Variants in CACNA2D3 observed in about 807,000 individuals in gnomAD.
CACNA2D3 encodes calcium voltage-gated channel auxiliary subunit alpha2delta 3.
A neutral mutation model predicts 160.6 loss-of-function variants in CACNA2D3; 60 were observed. The ratio of observed to expected loss-of-function variants is 0.37; its 90% CI spans 0.30 to 0.46. The LOEUF (loss-of-function observed/expected upper bound fraction) is 0.46. Among genes scored for constraint, CACNA2D3 ranks in the 20% least tolerant of loss-of-function variants. CACNA2D3 has a pLI of 1.00. For missense variants in CACNA2D3, 1,205 were observed against 1,365.0 expected (o/e 0.88, Z 1.85); for synonymous variants, 558 against 492.9 (o/e 1.13, Z -1.75).
intron 13 of CACNA2D3, among the ~76,000 whole-genome samples, chr3:54,768,694 G>A (rs1434013305): frequency 5.3e-5 from 8 of 152,090 alleles, no homozygotes; most frequent in African/African-American, 1.9e-4. Context: ...AACATTTCAC[G>A]TGGCCCATTA....
At chr3:54,619,959 C>T (rs1184907077) in intron 9 of CACNA2D3, among the ~76,000 whole-genome samples, 1 of 152,098 alleles carries the variant, frequency 6.6e-6, no homozygotes, top group Non-Finnish European at 1.5e-5. Context: ...GGAATTAGAT[C>T]AAGAGGAAGT....
chr3:54,558,760 T>G (rs1034988003), intron 5 of CACNA2D3, among the ~76,000 whole-genome samples: 1 of 152,240 alleles, frequency 6.6e-6, no homozygotes, highest in African/African-American at 2.4e-5. Flanking sequence ...CATTATTTTT[T>G]ATGGCCGTGT....
intron 9 of CACNA2D3, among the ~76,000 whole-genome samples, chr3:54,591,910 T>A (rs1702867700): frequency 6.6e-6 from 1 of 152,180 alleles, no homozygotes; most frequent in Non-Finnish European, 1.5e-5. Flanking sequence ...GGTGTATCAT[T>A]CTTTAATCAA....
intron 11 of CACNA2D3, among the ~76,000 whole-genome samples, chr3:54,731,281 A>G (rs929300584): frequency 6.6e-6 from 1 of 152,166 alleles, no homozygotes; most frequent in African/African-American, 2.4e-5. Context: ...TGAAATGGAC[A>G]CTTAGGATCT....
At position 54,879,106 on chromosome 3, in the gene CACNA2D3, C is replaced by A; in HGVS notation, c.1782+17C>A. On this transcript the variant is annotated intron_variant, in intron 19 of 37. Coordinates refer to ENST00000474759, the MANE Select transcript of CACNA2D3 (RefSeq NM_018398.3). ...GACAAAGGGGTACATTTTTCTCAAA[C>A]ATTTTTGCTGCTTAATTTAAAACAA... The A allele has an allele frequency of 1.3e-6, 2 of 1,522,404 alleles. No individual in the cohort carries two copies. The highest frequency in any genetic ancestry group is 1.8e-6 in the Non-Finnish European group (2 of 1,112,864). The allele number at this position is 1,522,404 out of a possible 1,614,324, so 94.3% of individuals were successfully genotyped here.
intron 14 of CACNA2D3, among the ~76,000 whole-genome samples, chr3:54,831,307 C>T (rs1703873471): frequency 6.6e-6 from 1 of 152,236 alleles, no homozygotes; most frequent in Non-Finnish European, 1.5e-5. Context: ...CAGATGCCTT[C>T]CAGGTCCAGC....
intron 3 of CACNA2D3, among the ~76,000 whole-genome samples, chr3:54,353,391 C>G (rs1247699086): frequency 6.6e-6 from 1 of 152,148 alleles, no homozygotes; most frequent in East Asian, 1.9e-4. Context: ...TGAATCTCAC[C>G]TTTGCCCCCT....
chr3:54,352,247 C>T (rs149858407), intron 3 of CACNA2D3, among the ~76,000 whole-genome samples: 44 of 151,962 alleles, frequency 2.9e-4, no homozygotes, highest in Non-Finnish European at 5.7e-4. Flanking sequence ...GGAGCCTCTA[C>T]TGAGTCGTTT....
At chr3:54,995,122 C>T (rs141058426) in intron 31 of CACNA2D3, among the ~76,000 whole-genome samples, 1,599 of 152,148 alleles carry the variant, frequency 0.011, 37 homozygotes, top group African/African-American at 0.037. Flanking sequence ...TACAGGCGCC[C>T]GCCACCATGC....
intron 13 of CACNA2D3, among the ~76,000 whole-genome samples, chr3:54,779,599 AGCTGTGCTGGTCACCTTT>A (rs1702494039): frequency 6.6e-6 from 1 of 152,174 alleles, no homozygotes; most frequent in South Asian, 2.1e-4. Context: ...TCAGAACATC[AGCTGTGCTGGTCACCTTT>A]TAGTTGCCTG....
At chr3:54,947,454 G>T (rs1364501420) in intron 27 of CACNA2D3, among the ~76,000 whole-genome samples, 6 of 152,198 alleles carry the variant, frequency 3.9e-5, no homozygotes, top group African/African-American at 1.4e-4. Flanking sequence ...ATCTGCCAGT[G>T]CAGGATAGGA....
At chr3:54,781,327 T>G (rs554231557) in intron 13 of CACNA2D3, among the ~76,000 whole-genome samples, 138 of 152,292 alleles carry the variant, frequency 9.1e-4, no homozygotes, top group Non-Finnish European at 1.7e-3. Flanking sequence ...GTTTGCCAAT[T>G]TCCCATTTCT....
intron 4 of CACNA2D3, among the ~76,000 whole-genome samples, chr3:54,472,353 A>G (rs1180962805): frequency 6.6e-6 from 1 of 152,318 alleles, no homozygotes; most frequent in East Asian, 1.9e-4. Context: ...ACACCCCTTC[A>G]TGCTAAAAAC....
intron 21 of CACNA2D3, among the ~76,000 whole-genome samples, chr3:54,883,152 T>A (rs1471519180): frequency 1.3e-5 from 2 of 152,184 alleles, no homozygotes; most frequent in East Asian, 1.9e-4. Flanking sequence ...GCCTCCTGAG[T>A]AGCTGGGATT....
chr3:54,130,122 T>C (rs551638196), intron 2 of CACNA2D3, among the ~76,000 whole-genome samples: 1 of 152,330 alleles, frequency 6.6e-6, no homozygotes, highest in Admixed American at 6.5e-5. Context: ...TAAAAAATTA[T>C]TAAGAATTCC....
intron 9 of CACNA2D3, among the ~76,000 whole-genome samples, chr3:54,614,739 T>A (rs1698813951): frequency 6.6e-6 from 1 of 152,164 alleles, no homozygotes; most frequent in African/African-American, 2.4e-5. Flanking sequence ...CTGTAACCTC[T>A]TGCTTATTGT....
chr3:54,429,098 A>G (rs1992964), intron 4 of CACNA2D3, among the ~76,000 whole-genome samples: 38,568 of 152,116 alleles, frequency 0.25, 4,994 homozygotes, highest in Admixed American at 0.33. Context: ...TCTCTGGTAT[A>G]TGGAATAAAT....
intron 18 of CACNA2D3, among the ~76,000 whole-genome samples, chr3:54,872,705 C>G (rs933223582): frequency 6.6e-6 from 1 of 152,204 alleles, no homozygotes; most frequent in Non-Finnish European, 1.5e-5. Flanking sequence ...GAGAGCCATA[C>G]CTGTTTTAGA....
At chr3:54,938,103 G>A (rs556109938) in intron 27 of CACNA2D3, among the ~76,000 whole-genome samples, 1 of 152,278 alleles carries the variant, frequency 6.6e-6, no homozygotes, top group East Asian at 1.9e-4. Flanking sequence ...GGCAGTTGTG[G>A]GCAAATCCTT....
Sources: allele counts gnomAD v4.1 joint callset (sites outside exome capture counted in the v4.1 genomes callset), GRCh38; gene constraint gnomAD v4.1.1; transcripts MANE v1.5; gene names NCBI Gene and HGNC (gene_info 2026-07-23, HGNC 2026-07-21).